PTPRN2: variants seen among roughly 807,000 people sequenced by gnomAD.
PTPRN2 encodes receptor-type tyrosine-protein phosphatase N2.
A neutral mutation model predicts 118.8 loss-of-function variants in PTPRN2; 74 were observed. The ratio of observed to expected loss-of-function variants is 0.62; its 90% CI spans 0.52 to 0.76. The LOEUF (loss-of-function observed/expected upper bound fraction) is 0.76. Among genes scored for constraint, PTPRN2 ranks in the 30% least tolerant of loss-of-function variants. The probability of loss-of-function intolerance (pLI) is 0.00; values close to 1 mark genes in which losing one functional copy is unlikely to be tolerated. For missense variants in PTPRN2, 1,481 were observed against 1,394.4 expected, an observed-to-expected ratio of 1.06 and a Z score of -0.99; for synonymous variants, 641 against 608.0, an observed-to-expected ratio of 1.05 and a Z score of -0.80.
intron 1 of PTPRN2, among the ~76,000 whole-genome samples, chr7:158,499,319 G>A (rs941742248): frequency 5.3e-5 from 8 of 152,144 alleles, no homozygotes; most frequent in South Asian, 2.1e-4. Flanking sequence ...TGACTCGTCC[G>A]CTGGGCTGCC....
At chr7:158,536,855 A>G (rs1435329272) in intron 1 of PTPRN2, among the ~76,000 whole-genome samples, 1 of 152,216 alleles carries the variant, frequency 6.6e-6, no homozygotes, top group Admixed American at 6.5e-5. Flanking sequence ...GCCCACCATC[A>G]ATAAGACGGG....
intron 3 of PTPRN2, among the ~76,000 whole-genome samples, chr7:158,254,642 C>T (rs1460525881): frequency 7.0e-6 from 1 of 142,330 alleles, no homozygotes; most frequent in Non-Finnish European, 1.5e-5. Context: ...CCACTGCCCA[C>T]GGCACGACCC....
intron 12 of PTPRN2, among the ~76,000 whole-genome samples, chr7:157,703,288 C>T (rs888525780): frequency 5.3e-5 from 8 of 152,326 alleles, no homozygotes; most frequent in East Asian, 3.9e-4. Flanking sequence ...GACCGACTTT[C>T]GAGCTCCGAG....
intron 12 of PTPRN2, among the ~76,000 whole-genome samples, chr7:157,694,447 C>T (rs1357623147): frequency 6.6e-6 from 1 of 152,174 alleles, no homozygotes; most frequent in Non-Finnish European, 1.5e-5. Flanking sequence ...TGCGGCCTGA[C>T]CTCAGTGGGG....
At chr7:158,158,526 T>C (rs138396825) in intron 6 of PTPRN2, among the ~76,000 whole-genome samples, 8,503 of 129,666 alleles carry the variant, frequency 0.066, 947 homozygotes, top group African/African-American at 0.081. Context: ...GCAAGTGCTT[T>C]CTGAGTGAAT....
At chr7:158,489,220 T>C (rs182403355) in intron 2 of PTPRN2, among the ~76,000 whole-genome samples, 29,135 of 151,818 alleles carry the variant, frequency 0.19, 3,283 homozygotes, top group East Asian at 0.41. Context: ...CCGAGGCGGG[T>C]GGATCACCTG....
Position 157,761,154 on chromosome 7 carries a change from G to A in PTPRN2, c.1789-78217C>T, listed in dbSNP as rs367592373. Reference sequence around the variant, plus strand: ...CTCATGGGTAGGAAGAATCAATATCGTGAAAATGGCCATACTGCCCAAGGT... The same window carrying A: ...CTCATGGGTAGGAAGAATCAATATCATGAAAATGGCCATACTGCCCAAGGT... On this transcript the variant is annotated intron_variant, in intron 12 of 22. Coordinates refer to ENST00000389418, the MANE Select transcript of PTPRN2 (RefSeq NM_002847.5). Among the ~76,000 whole-genome samples the A allele has an allele frequency of 1.3e-4, 20 of 151,690 alleles. No individual in the cohort carries two copies. The East Asian group carries it at 2.5e-3, about 19-fold the overall frequency.
intron 2 of PTPRN2, among the ~76,000 whole-genome samples, chr7:158,369,898 C>A (rs537268126): frequency 2.0e-5 from 3 of 152,302 alleles, no homozygotes; most frequent in South Asian, 4.2e-4. Flanking sequence ...AAGTCCCCGA[C>A]CTGACTGGGC....
chr7:157,556,504 A>G (rs961746567), intron 21 of PTPRN2, among the ~76,000 whole-genome samples: 2 of 148,840 alleles, frequency 1.3e-5, no homozygotes, highest in African/African-American at 5.0e-5. Context: ...ACACACATAC[A>G]CACACAGGCA....
At chr7:157,755,322 A>G (rs1253172329) in intron 12 of PTPRN2, among the ~76,000 whole-genome samples, 2 of 152,246 alleles carry the variant, frequency 1.3e-5, no homozygotes, top group African/African-American at 4.8e-5. Context: ...GAAAATCTGT[A>G]ATTCCAAACA....
In PTPRN2 at chr7:158,267,046, C is replaced by T. The variant is rs1270137727; in HGVS notation, c.277+49773G>A. 5.9e-5 allele frequency among the ~76,000 whole-genome samples: 9 copies of T among 152,352 alleles called. No homozygotes were observed. The South Asian group carries it at 1.4e-3, about 25-fold the overall frequency. ...TGCAGGGGAGGTGCCTCATCTGCAG[C>T]GTCGTCTCCAGTGACTGGCACCTCA... On this transcript the variant is annotated intron_variant, in intron 3 of 22. Transcript: ENST00000389418.
rs1804196262 is a variant in PTPRN2 at position 157,990,825 on chromosome 7, C to G, written c.1723+90473G>C. ...GGCGCACAGTGGGTGAGTGAATGGA[C>G]AGGCAGGAGTGACCAGCCCAGTCCC... On this transcript the variant is annotated intron_variant, in intron 11 of 22. Coordinates refer to ENST00000389418, the MANE Select transcript of PTPRN2 (RefSeq NM_002847.5). The surrounding 1 kb of genome is among the most constrained non-coding windows in gnomAD (Gnocchi z 4.3). Among the ~76,000 whole-genome samples, 1 of 152,100 alleles carries G rather than the reference C, an allele frequency of 6.6e-6. No individual in the cohort carries two copies. Among genetic ancestry groups the G allele is most frequent in the Non-Finnish European group, 1.5e-5 (1 of 68,012 alleles).
intron 2 of PTPRN2, among the ~76,000 whole-genome samples, chr7:158,445,452 C>T (rs979377953): frequency 3.3e-5 from 5 of 152,194 alleles, no homozygotes; most frequent in Non-Finnish European, 4.4e-5. Context: ...TGAGTGCAGG[C>T]GCCAGAAACC....
At chr7:158,305,033 C>T (rs1271598571) in intron 3 of PTPRN2, among the ~76,000 whole-genome samples, 2 of 152,180 alleles carry the variant, frequency 1.3e-5, no homozygotes, top group Non-Finnish European at 2.9e-5. Flanking sequence ...CTTATAGCTG[C>T]AAAAGGTCTG....
At chr7:158,119,295 G>C (rs1452154998) in intron 9 of PTPRN2, among the ~76,000 whole-genome samples, 7 of 152,060 alleles carry the variant, frequency 4.6e-5, no homozygotes, top group Admixed American at 1.3e-4. Flanking sequence ...TAATCATTAG[G>C]AAAACACAAA....
At chr7:157,956,322 G>A (rs894684938) in intron 11 of PTPRN2, among the ~76,000 whole-genome samples, 7 of 152,086 alleles carry the variant, frequency 4.6e-5, no homozygotes, top group Non-Finnish European at 7.3e-5. Context: ...TGATCGCTCC[G>A]GTCCACATCT....
chr7:158,440,869 G>T (rs995712417), intron 2 of PTPRN2, among the ~76,000 whole-genome samples: 1 of 142,808 alleles, frequency 7.0e-6, no homozygotes, highest in Non-Finnish European at 1.5e-5. Flanking sequence ...GGGGGCAGTG[G>T]TATTGGTGGT....
chr7:158,192,496 C>G lies in PTPRN2; in HGVS notation c.381-1G>C. On this transcript the variant is annotated splice_acceptor_variant, in intron 4 of 22. Coordinates refer to ENST00000389418, the MANE Select transcript of PTPRN2 (RefSeq NM_002847.5). LOFTEE classifies it high-confidence loss of function. ...GCTGCCAACGCTGTGTTTTGAGGGC[C>G]TGAAAAAGCAAAAGAAACCAGACAT... 1 of 1,578,650 alleles carries G rather than the reference C, an allele frequency of 6.3e-7. No individual in the cohort carries two copies. Among genetic ancestry groups the G allele is most frequent in the Non-Finnish European group, 8.6e-7 (1 of 1,165,798 alleles).
intron 1 of PTPRN2, among the ~76,000 whole-genome samples, chr7:158,584,171 G>A (rs113116080): frequency 2.6e-4 from 40 of 152,308 alleles, no homozygotes; most frequent in African/African-American, 7.5e-4. Context: ...ATGAAAGGCT[G>A]ACTCTATCAT....
Sources: gnomAD v4.1 joint callset for allele counts (sites outside exome capture counted in the v4.1 genomes callset) on GRCh38, gnomAD v4.1.1 for gene constraint, Gnocchi (gnomAD v3.1) non-coding constraint, MANE v1.5 for transcripts, NCBI Gene and HGNC (gene_info 2026-07-23, HGNC 2026-07-21) for gene names.